Variants in GPC5 observed in about 807,000 individuals in gnomAD.
GPC5 encodes the protein glypican 5.
In GPC5, 47 loss-of-function variants were observed where a neutral mutation model predicts 53.9. That is an observed-to-expected ratio of 0.87 (90% CI 0.69 to 1.11). The LOEUF (loss-of-function observed/expected upper bound fraction) is 1.11, where lower values mean the gene tolerates loss of function less well. Among genes scored for constraint, GPC5 ranks in the 50% most tolerant of loss-of-function variants. The pLI is 0.00. For synonymous variants in GPC5, 286 were observed against 263.3 expected (o/e 1.09, Z -0.84); for missense variants, 748 against 713.1 (o/e 1.05, Z -0.56).
chr13:92,481,654 C>G (rs1381917100), intron 7 of GPC5, among the ~76,000 whole-genome samples: 1 of 152,022 alleles, frequency 6.6e-6, no homozygotes, highest in East Asian at 1.9e-4. Flanking sequence ...TGGCACTGTT[C>G]AATTAGACAA....
intron 7 of GPC5, among the ~76,000 whole-genome samples, chr13:92,310,424 C>A (rs2043137819): frequency 6.6e-6 from 1 of 152,046 alleles, no homozygotes; most frequent in Non-Finnish European, 1.5e-5. Flanking sequence ...TTATATCCAC[C>A]AATACTGCAA....
intron 3 of GPC5, among the ~76,000 whole-genome samples, chr13:91,726,598 C>T (rs1036527180): frequency 6.6e-6 from 1 of 152,188 alleles, no homozygotes; most frequent in African/African-American, 2.4e-5. Context: ...ATGTCAGCCT[C>T]ATGTTTTCTG....
intron 7 of GPC5, among the ~76,000 whole-genome samples, chr13:92,425,291 TTAAATA>T (rs1876782541): frequency 6.6e-6 from 1 of 152,066 alleles, no homozygotes; most frequent in Admixed American, 6.6e-5. Flanking sequence ...AATATGTAAG[TTAAATA>T]TAAATAGTTT....
intron 2 of GPC5, among the ~76,000 whole-genome samples, chr13:91,600,256 GC>G (rs1204197733): frequency 6.6e-6 from 1 of 151,264 alleles, no homozygotes; most frequent in Non-Finnish European, 1.5e-5. Context: ...ACTTGATCTA[GC>G]AAAAATCTAT....
intron 5 of GPC5, among the ~76,000 whole-genome samples, chr13:91,787,775 G>A (rs1408593094): frequency 1.3e-5 from 2 of 152,150 alleles, no homozygotes; most frequent in Admixed American, 1.3e-4. Flanking sequence ...AAAAGGTAGA[G>A]ATGCAATTTT....
rs534310798 is a variant in GPC5, at chr13:92,812,702, G to A, written c.1562-53580G>A. ...TTCAGATAACATGATCCTATGCATAGAAAGTCCTAAAACATCCACAAGAAA... is the reference window on the plus strand; with the variant it reads ...TTCAGATAACATGATCCTATGCATAAAAAGTCCTAAAACATCCACAAGAAA... On this transcript the variant is annotated intron_variant, in intron 7 of 7. Transcript: ENST00000377067. 9.2e-5 allele frequency among the ~76,000 whole-genome samples: 14 copies of A among 151,896 alleles called. No homozygotes were observed. The East Asian group carries it at 2.7e-3, about 29-fold the overall frequency.
chr13:91,863,660 C>T (rs1024310661), intron 5 of GPC5, among the ~76,000 whole-genome samples: 2 of 152,162 alleles, frequency 1.3e-5, no homozygotes, highest in African/African-American at 4.8e-5. Flanking sequence ...CATGCATCCT[C>T]ATTATCCAGA....
intron 2 of GPC5, among the ~76,000 whole-genome samples, chr13:91,602,495 G>A (rs2139245055): frequency 6.6e-6 from 1 of 152,272 alleles, no homozygotes; most frequent in East Asian, 1.9e-4. Flanking sequence ...TATTGTAATA[G>A]CTTTTATATT....
chr13:92,482,425 T>C lies in GPC5; in HGVS notation c.1561+337436T>C, dbSNP rs540058747. ...TCTCCTAAAAAATTAACTTGTCCAT[T>C]CTCTGCTTTTTATACTACCTAACCA... On this transcript the variant is annotated intron_variant, in intron 7 of 7. Coordinates refer to ENST00000377067, the MANE Select transcript of GPC5 (RefSeq NM_004466.6). Among the ~76,000 whole-genome samples, 14 of 152,332 alleles carry C rather than the reference T, an allele frequency of 9.2e-5. No homozygotes were observed. In the East Asian group the frequency reaches 1.9e-3, roughly 21 times the overall value.
chr13:92,014,601 T>C (rs1475346555), intron 6 of GPC5, among the ~76,000 whole-genome samples: 1 of 152,168 alleles, frequency 6.6e-6, no homozygotes, highest in Non-Finnish European at 1.5e-5. Context: ...ATGTTCCTAA[T>C]CCATTCTGGA....
chr13:92,138,128 T>TG lies in GPC5; in HGVS notation c.1402-6699dup, dbSNP rs1316823249. On this transcript the variant is annotated intron_variant, in intron 6 of 7. Coordinates refer to ENST00000377067, the MANE Select transcript of GPC5 (RefSeq NM_004466.6). ...AAGAAAATCATCTTGTATGAATATATGGGACAGCTATTCATGTATGTGGTA... is the reference window on the plus strand; with the variant it reads ...AAGAAAATCATCTTGTATGAATATATGGGGACAGCTATTCATGTATGTGGTA... Among the ~76,000 whole-genome samples, 5 of 152,326 alleles carry TG rather than the reference T, an allele frequency of 3.3e-5. No individual in the cohort carries two copies. The East Asian group carries it at 9.6e-4, about 29-fold the overall frequency.
rs1491301836 is a variant in GPC5 at position 92,033,074 on chromosome 13, T to TGTGTGTGTGTGTGTGC, written c.1402-111755_1402-111754insTGTGTGTGTGTGTGCG. On this transcript the variant is annotated intron_variant, in intron 6 of 7. Coordinates refer to ENST00000377067, the MANE Select transcript of GPC5 (RefSeq NM_004466.6). ...GTGTGTGTGTGTGTGTGTGTGTGTG[T>TGTGTGTGTGTGTGTGC]GCTTCTCATTGAACCATATCAGTTT... 6.6e-4 allele frequency among the ~76,000 whole-genome samples: 98 copies of TGTGTGTGTGTGTGTGC among 148,896 alleles called. 1 individual carries two copies. Among genetic ancestry groups the TGTGTGTGTGTGTGTGC allele is most frequent in the African/African-American group, 2.2e-3 (91 of 40,810 alleles).
At chr13:92,656,804 C>T (rs575224293) in intron 7 of GPC5, among the ~76,000 whole-genome samples, 15 of 152,190 alleles carry the variant, frequency 9.9e-5, no homozygotes, top group African/African-American at 1.4e-4. Context: ...GCAAACAAAA[C>T]GTATCCATGC....
intron 5 of GPC5, among the ~76,000 whole-genome samples, chr13:91,894,021 T>G (rs1352660444): frequency 6.6e-6 from 1 of 152,090 alleles, no homozygotes; most frequent in African/African-American, 2.4e-5. Context: ...AAATATATTA[T>G]TGCTCTGAGA....
chr13:92,483,820 GAC>G (rs910204222), intron 7 of GPC5, among the ~76,000 whole-genome samples: 24 of 149,894 alleles, frequency 1.6e-4, no homozygotes, highest in African/African-American at 5.2e-4. Context: ...TAAAAGCGAA[GAC>G]ACAAACACAC....
At chr13:91,994,438 A>G (rs2040485853) in intron 6 of GPC5, 1 of 152,228 alleles carries the variant, frequency 6.6e-6, no homozygotes. Context: ...AAATCTTTAT[A>G]GAGTGACTGT....
chr13:92,392,940 C>A (rs1875080013), intron 7 of GPC5, among the ~76,000 whole-genome samples: 1 of 152,142 alleles, frequency 6.6e-6, no homozygotes, highest in Admixed American at 6.5e-5. Context: ...AACACTTATA[C>A]ACTGTTGATG....
At chr13:92,123,377 A>G (rs1238064807) in intron 6 of GPC5, among the ~76,000 whole-genome samples, 1 of 152,222 alleles carries the variant, frequency 6.6e-6, no homozygotes, top group East Asian at 1.9e-4. Flanking sequence ...TAACAGGAGT[A>G]CTTCCTATAT....
At chr13:92,527,163 A>AGAAAGAAAGAAAGAAG in intron 7 of GPC5, among the ~76,000 whole-genome samples, 1 of 125,486 alleles carries the variant, frequency 8.0e-6, no homozygotes, top group Admixed American at 8.4e-5. Context: ...AAAGAAAGAA[A>AGAAAGAAAGAAAGAAG]GAAAGAAAGA....
Sources: gnomAD v4.1 joint callset for allele counts (sites outside exome capture counted in the v4.1 genomes callset) on GRCh38, gnomAD v4.1.1 for gene constraint, MANE v1.5 for transcripts, NCBI Gene and HGNC (gene_info 2026-07-23, HGNC 2026-07-21) for gene names.